Variants in CKAP4 observed in about 807,000 individuals in gnomAD.
The protein encoded by CKAP4 is cytoskeleton-associated protein 4.
A neutral mutation model predicts 24.4 loss-of-function variants in CKAP4; 20 were observed. The observed-to-expected ratio is 0.82, with a 90% CI of 0.58 to 1.19. The LOEUF (loss-of-function observed/expected upper bound fraction) is 1.19. Among genes scored for constraint, CKAP4 ranks in the 50% most tolerant of loss-of-function variants. The pLI is 0.00. For missense variants in CKAP4, 744 were observed against 765.3 expected (o/e 0.97, Z 0.33); for synonymous variants, 378 against 351.7 (o/e 1.07, Z -0.84).
intron 1 of CKAP4, among the ~76,000 whole-genome samples, chr12:106,242,123 T>C (rs1045446616): frequency 6.6e-5 from 10 of 152,312 alleles, no homozygotes; most frequent in Admixed American, 5.2e-4. Context: ...TTGGGGAAGT[T>C]ATTTAGCCTA....
chr12:106,241,575 C>T (rs942975174), intron 1 of CKAP4, among the ~76,000 whole-genome samples: 7 of 152,042 alleles, frequency 4.6e-5, no homozygotes, highest in Admixed American at 2.6e-4. Flanking sequence ...CCTCGTGATC[C>T]GCCCGCCTCG....
Position 106,247,711 on chromosome 12 carries a change from GGGCGGCGGCGGCGGCTGCTGCGGCGCC to G in CKAP4, c.114_140del (p.Gln41_Pro49del), listed in dbSNP as rs1391293384. The G allele has an allele frequency of 7.1e-5, 73 of 1,033,992 alleles. 3 individuals are homozygous for G. Among genetic ancestry groups the G allele is most frequent in the Middle Eastern group, 9.3e-4 (2 of 2,154 alleles). 64.1% of individuals were successfully genotyped at this position (1,033,992 alleles called of 1,614,324 possible). A position where few individuals can be genotyped will look rare whatever the true frequency, so the allele number is the denominator to read the frequency against. On this transcript the variant is annotated inframe_deletion, in exon 1 of 2. Transcript: ENST00000378026. This position sits in a 1 kb window ranked among gnomAD's most constrained non-coding sequence, Gnocchi z 4.5. ...GCGGGTGCTGCTGCGGGTGCGGCGC[GGGCGGCGGCGGCGGCTGCTGCGGCGCC>G]GGCGGCGGCTTCTTCGCCACGTCAT...
At position 106,239,736 on chromosome 12, in the gene CKAP4, A is replaced by C; in HGVS notation, c.1097T>G (p.Leu366Arg). 1.2e-6 allele frequency: 2 copies of C among 1,613,876 alleles called. No individual in the cohort carries two copies. The highest frequency in any genetic ancestry group is 1.7e-6 in the Non-Finnish European group (2 of 1,179,962). ...LLRSEESVSR[L>R]PEEIRRLEEE... ...CTCCAGTCTCCGGATCTCCTCCGGG[A>C]GGCGGGAGACGGACTCCTCAGACCT... Residue 366 changes from leucine (L) to arginine (R), a missense_variant, in exon 2 of 2, where the codon CTC (leucine) becomes CGC (arginine). Physicochemically the swap from Leu to Arg is moderately radical, Grantham distance 102. Coordinates refer to ENST00000378026, the MANE Select transcript of CKAP4 (RefSeq NM_006825.4). The surrounding 1 kb of genome is among the most constrained non-coding windows in gnomAD (Gnocchi z 4.9).
chr12:106,238,937 G>C lies in CKAP4; in HGVS notation c.*87C>G. On this transcript the variant is annotated 3_prime_UTR_variant, in exon 2 of 2. Transcript: ENST00000378026. Reference sequence around the variant, plus strand: ...TCTTTAAGAGGGGACAAGAAATTGGGGGGTAGGGGACACATGGGAAAAAAC... The same window carrying C: ...TCTTTAAGAGGGGACAAGAAATTGGCGGGTAGGGGACACATGGGAAAAAAC... 1 of 1,435,166 alleles carries C rather than the reference G, an allele frequency of 7.0e-7. No homozygotes were observed. The highest frequency in any genetic ancestry group is 1.9e-5 in the Admixed American group (1 of 53,518). The allele number at this position is 1,435,166 out of a possible 1,614,324, so 88.9% of individuals were successfully genotyped here. A position where few individuals can be genotyped will look rare whatever the true frequency, so the allele number is the denominator to read the frequency against.
Position 106,239,144 on chromosome 12 carries a change from G to GTA in CKAP4, c.1687_1688dup (p.Ser564ThrfsTer5). ...TCTCGTTGGTTTCTATTTTGACCGA[G>GTA]TATGCAACCAAACTGTCCACAGCAG... is the stretch of plus-strand genomic sequence containing the variant. On this transcript the variant is annotated frameshift_variant, in exon 2 of 2. Coordinates refer to ENST00000378026, the MANE Select transcript of CKAP4 (RefSeq NM_006825.4). The surrounding 1 kb of genome is among the most constrained non-coding windows in gnomAD (Gnocchi z 4.9). The GTA allele has an allele frequency of 6.2e-7, 1 of 1,614,014 alleles. No individual in the cohort carries two copies. The highest frequency in any genetic ancestry group is 8.5e-7 in the Non-Finnish European group (1 of 1,180,030).
At chr12:106,245,978 C>G (rs1318560553) in intron 1 of CKAP4, among the ~76,000 whole-genome samples, 2 of 152,174 alleles carry the variant, frequency 1.3e-5, no homozygotes, top group Non-Finnish European at 2.9e-5. Context: ...AGACAGCATG[C>G]TGGGAAAAGG....
chr12:106,247,869 C>T lies in CKAP4; in HGVS notation c.-18G>A. ...GAGGGCATGGCGGGCGCGGCGGCGG[C>T]TCGGGCCGCGGGCTGGGAGGCGAGC... is the stretch of plus-strand genomic sequence containing the variant. On this transcript the variant is annotated 5_prime_UTR_variant, in exon 1 of 2. Coordinates refer to ENST00000378026, the MANE Select transcript of CKAP4 (RefSeq NM_006825.4). The surrounding 1 kb of genome is among the most constrained non-coding windows in gnomAD (Gnocchi z 4.5). 1 of 1,034,064 alleles carries T rather than the reference C, an allele frequency of 9.7e-7. No individual in the cohort carries two copies. The highest frequency in any genetic ancestry group is 1.2e-6 in the Non-Finnish European group (1 of 863,824). The allele number at this position is 1,034,064 out of a possible 1,614,324, so 64.1% of individuals were successfully genotyped here.
Position 106,240,108 on chromosome 12 carries a change from G to T in CKAP4, c.725C>A (p.Thr242Lys). The T allele has an allele frequency of 6.2e-7, 1 of 1,614,078 alleles. No individual in the cohort carries two copies. Among genetic ancestry groups the T allele is most frequent in the Non-Finnish European group, 8.5e-7 (1 of 1,180,008 alleles). Reference sequence around the variant, plus strand: ...GTCGTTGATGGATTTGGTGAGCTCCGTCAGCCGCTCCTCCACCGTGTTCTC... The same window carrying T: ...GTCGTTGATGGATTTGGTGAGCTCCTTCAGCCGCTCCTCCACCGTGTTCTC... ...SLENTVEERL[T>K]ELTKSINDNI... The change falls in exon 2 of 2, where the codon ACG becomes AAG. Residue 242 changes from threonine to lysine, a missense_variant. By Grantham distance (78) the Thr-to-Lys change is moderately conservative (BLOSUM62 -1). Coordinates refer to ENST00000378026, the MANE Select transcript of CKAP4 (RefSeq NM_006825.4).
In CKAP4 at chr12:106,239,806, C is replaced by G; in HGVS notation, c.1027G>C (p.Asp343His). Residue 343 changes from aspartate (D) to histidine (H), a missense_variant, in exon 2 of 2, where the codon GAC becomes CAC. Transcript: ENST00000378026. This position sits in a 1 kb window ranked among gnomAD's most constrained non-coding sequence, Gnocchi z 4.9. The part of the protein sequence containing the change: ...QEQQAFKEAA[D>H]TERLALQALT... ...GCCTGCAGGGCGAGCCGCTCCGTGT[C>G]GGCCGCCTCCTTGAAAGCCTGCTGC... is the stretch of plus-strand genomic sequence containing the variant. 1 of 1,614,084 alleles carries G rather than the reference C, an allele frequency of 6.2e-7. No individual in the cohort carries two copies. The highest frequency in any genetic ancestry group is 2.2e-5 in the East Asian group (1 of 44,848).
rs1311378448 is a variant in CKAP4, at chr12:106,247,300, C to T, written c.483+69G>A. The T allele has an allele frequency of 2.2e-6, 3 of 1,393,816 alleles. No homozygotes were observed. The East Asian group carries it at 8.6e-5, about 40-fold the overall frequency. The allele number at this position is 1,393,816 out of a possible 1,614,324, so 86.3% of individuals were successfully genotyped here. On this transcript the variant is annotated intron_variant, in intron 1 of 1. Transcript: ENST00000378026. This position sits in a 1 kb window ranked among gnomAD's most constrained non-coding sequence, Gnocchi z 4.5. ...AGCGCTAGGGGCCGGTCGGGAAGCA[C>T]GAAGGAGCCCGGCCGTGGGTCCGGA... is the stretch of plus-strand genomic sequence containing the variant.
rs764573182 is a variant in CKAP4, at chr12:106,239,806, C to T, written c.1027G>A (p.Asp343Asn). The T allele has an allele frequency of 2.4e-5, 38 of 1,614,084 alleles. 4 individuals carry two copies. In the South Asian group the frequency reaches 4.0e-4, roughly 17 times the overall value. Reference protein sequence around the residue: ...QEQQAFKEAADTERLALQALT... With the variant: ...QEQQAFKEAANTERLALQALT... Reference sequence around the variant, plus strand: ...GCCTGCAGGGCGAGCCGCTCCGTGTCGGCCGCCTCCTTGAAAGCCTGCTGC... The same window carrying T: ...GCCTGCAGGGCGAGCCGCTCCGTGTTGGCCGCCTCCTTGAAAGCCTGCTGC... The change falls in exon 2 of 2, where the codon GAC becomes AAC. Residue 343 changes from aspartate to asparagine, a missense_variant. Physicochemically the swap from Asp to Asn is conservative, Grantham distance 23. Around this residue, in one of 3 missense-constraint regions of CKAP4, gnomAD observed 401 missense variants for 424.5 expected, o/e 0.94. Transcript: ENST00000378026. The surrounding 1 kb of genome is among the most constrained non-coding windows in gnomAD (Gnocchi z 4.9).
At position 106,247,675 on chromosome 12, in the gene CKAP4, C is replaced by G; in HGVS notation, c.177G>C (p.Pro59=). Residue 59 remains proline, a synonymous_variant, in exon 1 of 2, where the codon CCG becomes CCC. Coordinates refer to ENST00000378026, the MANE Select transcript of CKAP4 (RefSeq NM_006825.4). This position sits in a 1 kb window ranked among gnomAD's most constrained non-coding sequence, Gnocchi z 4.5. ...CGCCCTTGCCGTGCGCCTGGTTCTG[C>G]GGGTGCTGCTGCGGGTGCTGCTGCG... is the stretch of plus-strand genomic sequence containing the variant. ...PHPQQHPQQH[P]QNQAHGKGGH... The G allele has an allele frequency of 9.1e-7, 1 of 1,095,686 alleles. No individual in the cohort carries two copies. The highest frequency in any genetic ancestry group is 1.1e-6 in the Non-Finnish European group (1 of 890,476). The allele number at this position is 1,095,686 out of a possible 1,614,324, so 67.9% of individuals were successfully genotyped here.
Position 106,240,083 on chromosome 12 carries a change from G to A in CKAP4, c.750C>T (p.Asp250=). ...GGACTTCTGTGAAGATGGCGATGTTGTCGTTGATGGATTTGGTGAGCTCCG... is the reference window on the plus strand; with the variant it reads ...GGACTTCTGTGAAGATGGCGATGTTATCGTTGATGGATTTGGTGAGCTCCG... ...RLTELTKSIN[D]NIAIFTEVQK... The change falls in exon 2 of 2, where the codon GAC becomes GAT. Residue 250 remains aspartate, a synonymous_variant. Transcript: ENST00000378026. 1 of 1,614,182 alleles carries A rather than the reference G, an allele frequency of 6.2e-7. No individual in the cohort carries two copies. The highest frequency in any genetic ancestry group is 8.5e-7 in the Non-Finnish European group (1 of 1,180,028).
Position 106,247,956 on chromosome 12 carries a change from C to T in CKAP4, c.-105G>A. The stretch of plus-strand genomic sequence containing the variant: ...CCCCCGGGACTGGGCGAGCGGCACG[C>T]GGGCGCTGCTGGCGTCGGAGCGGCG... On this transcript the variant is annotated 5_prime_UTR_variant, in exon 1 of 2. Coordinates refer to ENST00000378026, the MANE Select transcript of CKAP4 (RefSeq NM_006825.4). This position sits in a 1 kb window ranked among gnomAD's most constrained non-coding sequence, Gnocchi z 4.5. The T allele has an allele frequency of 1.4e-6, 1 of 721,286 alleles. No individual in the cohort carries two copies. The highest frequency in any genetic ancestry group is 1.7e-6 in the Non-Finnish European group (1 of 585,496). The allele number at this position is 721,286 out of a possible 1,614,324, so 44.7% of individuals were successfully genotyped here.
rs544129023 is a variant in CKAP4, at chr12:106,246,068, T to C, written c.483+1301A>G. On this transcript the variant is annotated intron_variant, in intron 1 of 1. Coordinates refer to ENST00000378026, the MANE Select transcript of CKAP4 (RefSeq NM_006825.4). ...CAACTTTCATTGAGCAATGACATAG[T>C]GGAGGGCGAATAAGATCAAAGGGGC... Among the ~76,000 whole-genome samples the C allele has an allele frequency of 1.2e-3, 178 of 152,274 alleles. 3 individuals carry two copies. In the South Asian group the frequency reaches 0.036, roughly 31 times the overall value.
At position 106,238,955 on chromosome 12, in the gene CKAP4, GA is replaced by G. The variant is rs1025633000; in HGVS notation, c.*68del. 2 of 1,557,048 alleles carry G rather than the reference GA, an allele frequency of 1.3e-6. No individual in the cohort carries two copies. The highest frequency in any genetic ancestry group is 8.7e-7 in the Non-Finnish European group (1 of 1,145,736). On this transcript the variant is annotated 3_prime_UTR_variant, in exon 2 of 2. Coordinates refer to ENST00000378026, the MANE Select transcript of CKAP4 (RefSeq NM_006825.4). ...AAATTGGGGGGTAGGGGACACATGG[GA>G]AAAAACCACACATTTTTTGGTCATG...
At chr12:106,245,632 T>C (rs1447752968) in intron 1 of CKAP4, 1 of 144,136 alleles carries the variant, frequency 6.9e-6, no homozygotes, top group Non-Finnish European at 1.5e-5. Flanking sequence ...TCTCACTCTG[T>C]TGCCCCGGCT....
rs751539830 is a variant in CKAP4, at chr12:106,237,956, TAAACA to T, written c.*1063_*1067del. 150 of 129,000 alleles carry T rather than the reference TAAACA, an allele frequency of 1.2e-3. No homozygotes were observed. Among genetic ancestry groups the T allele is most frequent in the Middle Eastern group, 4.4e-3 (1 of 226 alleles). The allele number at this position is 129,000 out of a possible 1,614,324, so 8.0% of individuals were successfully genotyped here. On this transcript the variant is annotated 3_prime_UTR_variant, in exon 2 of 2. Transcript: ENST00000378026. ...CCATACAGTTCATTTCACAGTAAAC[TAAACA>T]AAACTTTTTTTTTTTTTTTTTACTT... is the stretch of plus-strand genomic sequence containing the variant.
rs762482141 is a variant in CKAP4 at position 106,238,951 on chromosome 12, A to C, written c.*73T>G. The C allele has an allele frequency of 1.0e-5, 16 of 1,543,776 alleles. No individual in the cohort carries two copies. In the African/African-American group the frequency reaches 1.1e-4, roughly 10 times the overall value. On this transcript the variant is annotated 3_prime_UTR_variant, in exon 2 of 2. Transcript: ENST00000378026. ...CAAGAAATTGGGGGGTAGGGGACAC[A>C]TGGGAAAAAACCACACATTTTTTGG...
Sources: gnomAD v4.1 joint callset for allele counts (sites outside exome capture counted in the v4.1 genomes callset) on GRCh38, gnomAD v4.1.1 for gene constraint, gnomAD v4.1.1 regional missense constraint, Gnocchi (gnomAD v3.1) non-coding constraint, MANE v1.5 for transcripts, NCBI Gene and HGNC (gene_info 2026-07-23, HGNC 2026-07-21) for gene names.